The following RBFOX1 variants were observed in gnomAD, a reference collection of about 807,000 sequenced individuals.
RBFOX1 encodes RNA binding fox-1 homolog 1.
A neutral mutation model predicts 57.7 loss-of-function variants in RBFOX1; 8 were observed. The ratio of observed to expected loss-of-function variants is 0.14; its 90% CI spans 0.08 to 0.25. RBFOX1 has a LOEUF of 0.25. RBFOX1 is among the 10% of genes least tolerant of loss of function. The probability of loss-of-function intolerance (pLI) is 1.00; values close to 1 mark genes in which losing one functional copy is unlikely to be tolerated. For missense variants in RBFOX1, 611 were observed against 548.5 expected (o/e 1.11, Z -1.14); for synonymous variants, 326 against 222.4 (o/e 1.47, Z -4.15).
chr16:6,561,722 A>G (rs796668936), intron 2 of RBFOX1, among the ~76,000 whole-genome samples: 6 of 152,238 alleles, frequency 3.9e-5, no homozygotes, highest in African/African-American at 1.4e-4. Context: ...CACCAGGATG[A>G]ATTTTTAAAT....
intron 1 of RBFOX1, among the ~76,000 whole-genome samples, chr16:5,243,701 G>T (rs1387123383): frequency 6.6e-6 from 1 of 152,082 alleles, no homozygotes; most frequent in Non-Finnish European, 1.5e-5. Context: ...AATGTTTGAG[G>T]GTGACAGTGT....
chr16:5,345,967 C>G (rs1423150953), intron 1 of RBFOX1, among the ~76,000 whole-genome samples: 2 of 152,216 alleles, frequency 1.3e-5, no homozygotes, highest in Non-Finnish European at 2.9e-5. Context: ...ACCAGGGAAA[C>G]TTGCTTCCCC....
At chr16:5,839,402 C>T (rs1336498563) in intron 3 of RBFOX1, among the ~76,000 whole-genome samples, 2 of 152,148 alleles carry the variant, frequency 1.3e-5, no homozygotes, top group Non-Finnish European at 2.9e-5. Flanking sequence ...GCCCTAATTC[C>T]TTTAGCCCTC....
rs139764389 is a variant in RBFOX1, at chr16:6,715,750, A to G, written c.-16+61100A>G. Among the ~76,000 whole-genome samples, 325 of 152,332 alleles carry G rather than the reference A, an allele frequency of 2.1e-3. 1 individual carries two copies. Among genetic ancestry groups the G allele is most frequent in the Middle Eastern group, 6.8e-3 (2 of 294 alleles). Reference sequence around the variant, plus strand: ...GTGGTTTTTATCCAGTGAATTGGCAAGAAGTGAATTATGTGGAAGAATCCA... The same window carrying G: ...GTGGTTTTTATCCAGTGAATTGGCAGGAAGTGAATTATGTGGAAGAATCCA... On this transcript the variant is annotated intron_variant, in intron 3 of 15. Coordinates refer to ENST00000550418, the MANE Select transcript of RBFOX1 (RefSeq NM_018723.4).
chr16:7,312,351 G>A (rs759349322), intron 4 of RBFOX1, among the ~76,000 whole-genome samples: 1 of 152,242 alleles, frequency 6.6e-6, no homozygotes, highest in Non-Finnish European at 1.5e-5. Flanking sequence ...TTGCACTCCA[G>A]CCTGGGCAAC....
intron 3 of RBFOX1, among the ~76,000 whole-genome samples, chr16:6,685,273 C>CTTTTTTT (rs202226687): frequency 1.5e-4 from 17 of 111,596 alleles, no homozygotes; most frequent in African/African-American, 2.5e-4. Flanking sequence ...GAGAGTTTTT[C>CTTTTTTT]TTTTTTTTTT....
intron 12 of RBFOX1, among the ~76,000 whole-genome samples, chr16:7,661,753 T>G (rs186071927): frequency 6.6e-6 from 1 of 152,194 alleles, no homozygotes. Context: ...AGAAATAGTA[T>G]GTATTTGGCT....
At chr16:7,641,996 T>C (rs2062893324) in intron 11 of RBFOX1, among the ~76,000 whole-genome samples, 1 of 152,136 alleles carries the variant, frequency 6.6e-6, no homozygotes, top group Admixed American at 6.5e-5. Flanking sequence ...ACTTTTATAG[T>C]CCTAGCTACT....
intron 3 of RBFOX1, among the ~76,000 whole-genome samples, chr16:5,774,702 A>C (rs2054089320): frequency 6.6e-6 from 1 of 152,142 alleles, no homozygotes; most frequent in Non-Finnish European, 1.5e-5. Context: ...TTAGTTTTTT[A>C]GATAAAGTCT....
intron 3 of RBFOX1, among the ~76,000 whole-genome samples, chr16:5,814,905 C>T (rs574203413): frequency 4.0e-5 from 6 of 151,764 alleles, no homozygotes; most frequent in East Asian, 3.9e-4. Context: ...GTCCGCAGTC[C>T]GGCCTGGGCG....
intron 1 of RBFOX1, among the ~76,000 whole-genome samples, chr16:5,439,531 A>C (rs1205769630): frequency 6.6e-6 from 1 of 152,128 alleles, no homozygotes; most frequent in Non-Finnish European, 1.5e-5. Flanking sequence ...GGTATCTCGT[A>C]GGTAGAACCG....
At chr16:5,435,688 C>T (rs986430559) in intron 1 of RBFOX1, among the ~76,000 whole-genome samples, 29 of 152,300 alleles carry the variant, frequency 1.9e-4, no homozygotes, top group African/African-American at 6.3e-4. Context: ...GGAAGGGAAA[C>T]ATGTGATCTC....
At chr16:5,368,557 T>G (rs536115367) in intron 1 of RBFOX1, among the ~76,000 whole-genome samples, 1 of 152,356 alleles carries the variant, frequency 6.6e-6, no homozygotes, top group Non-Finnish European at 1.5e-5. Flanking sequence ...TCTGCAACTC[T>G]TGCTTAGCTT....
At chr16:7,456,264 G>T (rs1217797068) in intron 4 of RBFOX1, among the ~76,000 whole-genome samples, 1 of 152,142 alleles carries the variant, frequency 6.6e-6, no homozygotes, top group Non-Finnish European at 1.5e-5. Flanking sequence ...CTATCCTAGA[G>T]GGACCCCCCC....
intron 3 of RBFOX1, among the ~76,000 whole-genome samples, chr16:6,848,916 A>C (rs886562914): frequency 6.6e-6 from 1 of 152,194 alleles, no homozygotes; most frequent in African/African-American, 2.4e-5. Flanking sequence ...GCAAAGAAAA[A>C]GACCAGAGAA....
At chr16:6,483,174 C>G in intron 2 of RBFOX1, 2 of 1,122,788 alleles carry the variant, frequency 1.8e-6, no homozygotes, top group Non-Finnish European at 2.2e-6. Context: ...TCTCATTTGG[C>G]GAGCGTTTTG....
chr16:7,708,037 G>T (rs1338762540), intron 14 of RBFOX1, among the ~76,000 whole-genome samples: 1 of 152,122 alleles, frequency 6.6e-6, no homozygotes, highest in Non-Finnish European at 1.5e-5. Context: ...CACGCAAGTT[G>T]CCCTAAGAGA....
chr16:7,112,174 G>T (rs2064916326), intron 4 of RBFOX1, among the ~76,000 whole-genome samples: 1 of 152,084 alleles, frequency 6.6e-6, no homozygotes, highest in South Asian at 2.1e-4. Context: ...TACAAACTTT[G>T]TTTTTCTATG....
chr16:6,891,423 C>A (rs973599101), intron 3 of RBFOX1, among the ~76,000 whole-genome samples: 2 of 152,026 alleles, frequency 1.3e-5, no homozygotes, highest in East Asian at 3.9e-4. Flanking sequence ...GCCTTTTCTA[C>A]CTAATAGTAC....
Sources: allele counts gnomAD v4.1 joint callset (sites outside exome capture counted in the v4.1 genomes callset), GRCh38; gene constraint gnomAD v4.1.1; transcripts MANE v1.5; gene names NCBI Gene and HGNC (gene_info 2026-07-23, HGNC 2026-07-21).